The following ANKRD30A variants were observed in gnomAD, a reference collection of about 807,000 sequenced individuals.
The protein encoded by ANKRD30A is ankyrin repeat domain-containing protein 30A.
A neutral mutation model predicts 166.3 loss-of-function variants in ANKRD30A; 170 were observed. The observed-to-expected ratio is 1.02, with a 90% CI of 0.90 to 1.16. The LOEUF (loss-of-function observed/expected upper bound fraction) is 1.16. ANKRD30A is among the 50% of genes most tolerant of loss of function. The pLI is 0.00. For synonymous variants in ANKRD30A, 564 were observed against 508.9 expected, an observed-to-expected ratio of 1.11 and a Z score of -1.46; for missense variants, 1,630 against 1,518.0, an observed-to-expected ratio of 1.07 and a Z score of -1.23.
At chr10:37,161,533 G>A (rs1307300144) in intron 15 of ANKRD30A, among the ~76,000 whole-genome samples, 1 of 152,002 alleles carries the variant, frequency 6.6e-6, no homozygotes, top group Admixed American at 6.6e-5. Context: ...AAGAATGTAG[G>A]CAGGTAATTC....
At position 37,141,036 on chromosome 10, in the gene ANKRD30A, T is replaced by C. The variant is rs1837062378; in HGVS notation, c.821-682T>C. On this transcript the variant is annotated intron_variant, in intron 6 of 35. Transcript: ENST00000361713. ...AAATAATTGTTAGGTATCTTTAAGG[T>C]ACTAAGCATCTTCCTTGTTATTATA... 2.0e-5 allele frequency among the ~76,000 whole-genome samples: 3 copies of C among 152,212 alleles called. No homozygotes were observed. The South Asian group carries it at 6.2e-4, about 32-fold the overall frequency.
At chr10:37,192,137 A>G (rs563208030) in intron 25 of ANKRD30A, among the ~76,000 whole-genome samples, 3 of 152,064 alleles carry the variant, frequency 2.0e-5, no homozygotes, top group South Asian at 4.2e-4. Flanking sequence ...CCTGGGTTCA[A>G]GTGATTCTGG....
At chr10:37,213,968 G>A (rs1286851896) in intron 31 of ANKRD30A, among the ~76,000 whole-genome samples, 3 of 151,522 alleles carry the variant, frequency 2.0e-5, no homozygotes, top group African/African-American at 4.8e-5. Context: ...CATTCTTGCC[G>A]ATTTTCTGCC....
At chr10:37,243,133 A>ATT in the ANKRD30A span, among the ~76,000 whole-genome samples, 1 of 149,404 alleles carries the variant, frequency 6.7e-6, no homozygotes, top group East Asian at 2.0e-4. Context: ...TTAATTTCCA[A>ATT]ATTTTTTTTT....
intron 13 of ANKRD30A, among the ~76,000 whole-genome samples, chr10:37,155,623 A>T (rs1838309645): frequency 6.6e-6 from 1 of 152,134 alleles, no homozygotes; most frequent in Admixed American, 6.6e-5. Flanking sequence ...CAGTGTCATG[A>T]TTTGCTCCTG....
intron 34 of ANKRD30A, among the ~76,000 whole-genome samples, chr10:37,230,106 G>A (rs1459495725): frequency 1.3e-5 from 2 of 151,920 alleles, no homozygotes; most frequent in African/African-American, 2.4e-5. Context: ...GATAGTTAAA[G>A]ATCTGCAATC....
intron 31 of ANKRD30A, among the ~76,000 whole-genome samples, chr10:37,213,553 CTTCTTT>C (rs1842448370): frequency 8.4e-6 from 1 of 119,536 alleles, no homozygotes; most frequent in African/African-American, 2.9e-5. Flanking sequence ...TTTTCTTCTT[CTTCTTT>C]TTTTTTTTTT....
intron 1 of ANKRD30A, among the ~76,000 whole-genome samples, chr10:37,127,383 A>G (rs1271315025): frequency 6.6e-6 from 1 of 152,146 alleles, no homozygotes; most frequent in Non-Finnish European, 1.5e-5. Flanking sequence ...TTATCTTGAC[A>G]AAACCTTTTT....
intron 21 of ANKRD30A, among the ~76,000 whole-genome samples, chr10:37,171,538 A>G (rs1267595873): frequency 1.3e-5 from 2 of 151,598 alleles, no homozygotes; most frequent in Admixed American, 6.6e-5. Context: ...TAGGAAAAAC[A>G]TTATGGCCCC....
At chr10:37,212,151 G>C (rs964640948) in intron 31 of ANKRD30A, among the ~76,000 whole-genome samples, 3 of 152,056 alleles carry the variant, frequency 2.0e-5, no homozygotes, top group African/African-American at 7.2e-5. Flanking sequence ...TTCTCAAGCT[G>C]ATAGGCAACC....
chr10:37,137,761 G>T (rs1836816316), intron 6 of ANKRD30A, among the ~76,000 whole-genome samples: 1 of 152,166 alleles, frequency 6.6e-6, no homozygotes, highest in Non-Finnish European at 1.5e-5. Context: ...CGCAGCTCAA[G>T]GAGGCCTGCC....
chr10:37,217,846 G>T lies in ANKRD30A; in HGVS notation c.3235G>T (p.Glu1079Ter). 1.3e-6 allele frequency: 2 copies of T among 1,581,546 alleles called. No homozygotes were observed. The highest frequency in any genetic ancestry group is 1.7e-6 in the Non-Finnish European group (2 of 1,166,916). ...LEQALRIQDI[E>*]LKSVESNLNQ... Reference sequence around the variant, plus strand: ...ACAGGCTCTCAGAATACAAGATATAGAATTGAAGAGTGTAGAAAGTAATTT... The same window carrying T: ...ACAGGCTCTCAGAATACAAGATATATAATTGAAGAGTGTAGAAAGTAATTT... Residue 1079 changes from glutamate (E) to a stop codon, truncating the protein, a stop_gained, in exon 33 of 36, where the codon GAA (glutamate) becomes TAA (stop). Coordinates refer to ENST00000361713, the MANE Select transcript of ANKRD30A (RefSeq NM_052997.3). LOFTEE classifies it high-confidence loss of function.
At chr10:37,224,289 CTT>C (rs549443812) in intron 34 of ANKRD30A, among the ~76,000 whole-genome samples, 45 of 150,934 alleles carry the variant, frequency 3.0e-4, no homozygotes, top group South Asian at 6.2e-4. Context: ...AAAAATATGT[CTT>C]TGTTATTTTT....
chr10:37,147,386 C>T lies in ANKRD30A; in HGVS notation c.1472C>T (p.Ser491Phe). 6.3e-7 allele frequency: 1 copy of T among 1,593,226 alleles called. No homozygotes were observed. Among genetic ancestry groups the T allele is most frequent in the South Asian group, 1.1e-5 (1 of 87,664 alleles). The change falls in exon 9 of 36, where the codon TCT becomes TTT. Residue 491 changes from serine to phenylalanine, a missense_variant. Around this residue, in one of 4 missense-constraint regions of ANKRD30A, gnomAD observed 904 missense variants for 818.5 expected, o/e 1.10. Transcript: ENST00000361713. ...TTTTAACAGAGTCTCTTTGAGAGTTCTGCAAAGATTCAAGTGTGTATACCT... is the reference window on the plus strand; with the variant it reads ...TTTTAACAGAGTCTCTTTGAGAGTTTTGCAAAGATTCAAGTGTGTATACCT... ...SCDSRSLFES[S>F]AKIQVCIPES... is the part of the protein sequence containing the mutation.
intron 31 of ANKRD30A, among the ~76,000 whole-genome samples, chr10:37,206,084 A>C (rs544877481): frequency 6.6e-6 from 1 of 152,292 alleles, no homozygotes; most frequent in Non-Finnish European, 1.5e-5. Context: ...TCTGAACAAG[A>C]GAAAGAAACT....
chr10:37,191,660 C>T (rs1840587287), intron 25 of ANKRD30A, among the ~76,000 whole-genome samples: 1 of 151,934 alleles, frequency 6.6e-6, no homozygotes, highest in Admixed American at 6.6e-5. Flanking sequence ...TCTACAGCAA[C>T]TTTTTAATTT....
chr10:37,254,394 T>A, the ANKRD30A span, among the ~76,000 whole-genome samples: 1 of 152,200 alleles, frequency 6.6e-6, no homozygotes, highest in African/African-American at 2.4e-5. Context: ...TTGTCCTTTT[T>A]TATTATAGGC....
chr10:37,162,368 C>T (rs1838977890), intron 15 of ANKRD30A, among the ~76,000 whole-genome samples: 1 of 152,144 alleles, frequency 6.6e-6, no homozygotes, highest in Non-Finnish European at 1.5e-5. Context: ...CCATGTTCAG[C>T]TTTGACATTT....
chr10:37,208,174 C>T (rs1372286211), intron 31 of ANKRD30A, among the ~76,000 whole-genome samples: 3 of 152,148 alleles, frequency 2.0e-5, no homozygotes, highest in Admixed American at 2.0e-4. Flanking sequence ...GCTGCATTTT[C>T]TCTTTCCTCT....
Sources: allele counts gnomAD v4.1 joint callset (sites outside exome capture counted in the v4.1 genomes callset), GRCh38; gene constraint gnomAD v4.1.1; regional missense constraint gnomAD v4.1.1; transcripts MANE v1.5; gene names NCBI Gene and HGNC (gene_info 2026-07-23, HGNC 2026-07-21).